Variants in EZH2 observed in about 807,000 individuals in gnomAD.
EZH2 encodes enhancer of zeste 2 polycomb repressive complex 2 subunit.
EZH2 carries 18 observed loss-of-function variants against 98.4 expected under a neutral mutation model. The ratio of observed to expected loss-of-function variants is 0.18; its 90% CI spans 0.13 to 0.27. EZH2 has a LOEUF of 0.27. Among genes scored for constraint, EZH2 ranks in the 10% least tolerant of loss-of-function variants. The pLI is 1.00. For missense variants in EZH2, 470 were observed against 935.1 expected (o/e 0.50, Z 6.49); for synonymous variants, 338 against 312.3 (o/e 1.08, Z -0.87).
chr7:148,878,589 G>A (rs898053494), intron 1 of EZH2, among the ~76,000 whole-genome samples: 4 of 152,164 alleles, frequency 2.6e-5, no homozygotes, highest in South Asian at 4.1e-4. Context: ...GCAGACACAA[G>A]GTGGTTCTTA....
In EZH2 at chr7:148,866,605, A is replaced by G. The variant is rs1818545478; in HGVS notation, c.-8+17559T>C. Among the ~76,000 whole-genome samples the G allele has an allele frequency of 2.3e-5, 3 of 128,520 alleles. No homozygotes were observed. In the East Asian group the frequency reaches 6.0e-4, roughly 26 times the overall value. 84.3% of individuals were successfully genotyped at this position (128,520 alleles called of 152,430 possible). On this transcript the variant is annotated intron_variant, in intron 1 of 19. Transcript: ENST00000320356. ...ACATATATTGTATACACTATATATT[A>G]TATATAATATATATGCATATATGTA...
intron 3 of EZH2, among the ~76,000 whole-genome samples, chr7:148,843,595 T>TG (rs1202971045): frequency 1.8e-5 from 2 of 110,356 alleles, no homozygotes; most frequent in Non-Finnish European, 3.7e-5. Context: ...TTTTTTTTTT[T>TG]TTTTTTTTTT....
intron 1 of EZH2, among the ~76,000 whole-genome samples, chr7:148,849,674 G>C (rs1815169841): frequency 6.6e-6 from 1 of 152,152 alleles, no homozygotes; most frequent in Non-Finnish European, 1.5e-5. Context: ...AAGGCAGTGA[G>C]GTAGGACCAA....
At chr7:148,813,150 G>C (rs1803611496) in intron 15 of EZH2, among the ~76,000 whole-genome samples, 1 of 151,978 alleles carries the variant, frequency 6.6e-6, no homozygotes, top group Non-Finnish European at 1.5e-5. Flanking sequence ...CAAGTCTTGT[G>C]ACTTTGGGTT....
intron 1 of EZH2, among the ~76,000 whole-genome samples, chr7:148,847,917 G>A (rs576983094): frequency 3.9e-5 from 6 of 152,266 alleles, no homozygotes; most frequent in African/African-American, 9.6e-5. Context: ...GCTATCAAGC[G>A]AAAAGAGGAA....
chr7:148,827,760 T>G (rs1808138423), intron 6 of EZH2, among the ~76,000 whole-genome samples: 1 of 152,258 alleles, frequency 6.6e-6, no homozygotes, highest in Non-Finnish European at 1.5e-5. Context: ...TGACTCTGTT[T>G]CTTCCCAATA....
chr7:148,811,776 G>A (rs2129469137), intron 15 of EZH2, 56 bp from the exon 16 acceptor site: 1 of 1,397,848 alleles, frequency 7.2e-7, no homozygotes, highest in South Asian at 1.2e-5. Context: ...ATGGACTGGG[G>A]ACAAAGTAGA....
chr7:148,844,622 A>G (rs1468973796), intron 3 of EZH2, among the ~76,000 whole-genome samples: 18 of 152,210 alleles, frequency 1.2e-4, no homozygotes, highest in Admixed American at 1.0e-3. Flanking sequence ...CTGTGGAAGT[A>G]CTAACTTTAG....
At chr7:148,828,917 G>T in intron 5 of EZH2, 37 bp from the exon 6 acceptor site, 1 of 1,563,802 alleles carries the variant, frequency 6.4e-7, no homozygotes, top group Non-Finnish European at 8.7e-7. Flanking sequence ...CACAGGAGAA[G>T]CAATAATGTC....
chr7:148,832,354 C>T (rs568611750), intron 4 of EZH2, among the ~76,000 whole-genome samples: 2 of 152,330 alleles, frequency 1.3e-5, no homozygotes, highest in African/African-American at 2.4e-5. Context: ...GCTGGGATTA[C>T]AGGCATGAGC....
Position 148,826,635 on chromosome 7 carries a change from G to A in EZH2, c.729-3C>T, listed in dbSNP as rs2129475569. On this transcript the variant is annotated splice_polypyrimidine_tract_variant and splice_region_variant and intron_variant, in intron 7 of 19. Coordinates refer to ENST00000320356, the MANE Select transcript of EZH2 (RefSeq NM_004456.5). The stretch of plus-strand genomic sequence containing the variant: ...GCTGTTCGGTGAGTTCTTTATATCT[G>A]ACATTAACCAAGAAAAATTTAAGTA... 1 of 1,451,226 alleles carries A rather than the reference G, an allele frequency of 6.9e-7. No homozygotes were observed. The allele number at this position is 1,451,226 out of a possible 1,614,324, so 89.9% of individuals were successfully genotyped here. A position where few individuals can be genotyped will look rare whatever the true frequency, so the allele number is the denominator to read the frequency against.
chr7:148,883,890 C>G (rs912161559), intron 1 of EZH2, among the ~76,000 whole-genome samples: 1 of 151,778 alleles, frequency 6.6e-6, no homozygotes, highest in East Asian at 1.9e-4. Context: ...AAGGAGCCCC[C>G]CACACGCCCC....
chr7:148,822,883 C>T (rs1416272749), intron 8 of EZH2, among the ~76,000 whole-genome samples: 1 of 150,316 alleles, frequency 6.7e-6, no homozygotes, highest in Non-Finnish European at 1.5e-5. Flanking sequence ...CAGAGGTCGC[C>T]GTGAGCCAAG....
intron 3 of EZH2, among the ~76,000 whole-genome samples, chr7:148,833,106 ACC>A (rs1355731121): frequency 2.0e-5 from 3 of 152,180 alleles, no homozygotes; most frequent in Admixed American, 6.5e-5. Flanking sequence ...TTACATTCCA[ACC>A]ACACAGAATA....
chr7:148,830,130 T>A (rs1038300150), intron 4 of EZH2, among the ~76,000 whole-genome samples: 1 of 152,174 alleles, frequency 6.6e-6, no homozygotes, highest in African/African-American at 2.4e-5. Flanking sequence ...TTATTGTACA[T>A]ACCTCTAAGA....
At chr7:148,871,803 G>A (rs1819448842) in intron 1 of EZH2, among the ~76,000 whole-genome samples, 1 of 151,962 alleles carries the variant, frequency 6.6e-6, no homozygotes, top group African/African-American at 2.4e-5. Context: ...TCGAACTCCT[G>A]GCCTCAACTG....
rs1182053160 is a variant in EZH2 at position 148,870,411 on chromosome 7, A to T, written c.-8+13753T>A. On this transcript the variant is annotated intron_variant, in intron 1 of 19. Transcript: ENST00000320356. ...ATCATCAGCATACTGTTTAATAAGT[A>T]TAAAGTTCTGGCCCAATGCAGTGGC... 1.3e-5 allele frequency among the ~76,000 whole-genome samples: 2 copies of T among 152,174 alleles called. 1 individual carries two copies. Among genetic ancestry groups the T allele is most frequent in the African/African-American group, 4.8e-5 (2 of 41,448 alleles).
intron 1 of EZH2, among the ~76,000 whole-genome samples, chr7:148,875,128 A>T (rs1266657475): frequency 6.6e-6 from 1 of 152,062 alleles, no homozygotes; most frequent in Admixed American, 6.5e-5. Flanking sequence ...TAGTTTAATT[A>T]AAAAAAATTA....
At chr7:148,883,818 G>T (rs1327944580) in intron 1 of EZH2, among the ~76,000 whole-genome samples, 2 of 151,694 alleles carry the variant, frequency 1.3e-5, no homozygotes, top group African/African-American at 4.8e-5. Flanking sequence ...CTGCCACCCT[G>T]GACCGGGCAC....
Sources: allele counts gnomAD v4.1 joint callset (sites outside exome capture counted in the v4.1 genomes callset), GRCh38; gene constraint gnomAD v4.1.1; transcripts MANE v1.5; gene names NCBI Gene and HGNC (gene_info 2026-07-23, HGNC 2026-07-21).